Variants in FHOD3 observed in about 807,000 individuals in gnomAD.
FHOD3 encodes formin homology 2 domain containing 3.
A neutral mutation model predicts 173.0 loss-of-function variants in FHOD3; 90 were observed. The ratio of observed to expected loss-of-function variants is 0.52; its 90% confidence interval spans 0.44 to 0.62. FHOD3 has a LOEUF of 0.62. Among genes scored for constraint, FHOD3 ranks in the 20% least tolerant of loss-of-function variants. The pLI, the probability that FHOD3 is intolerant of heterozygous loss-of-function variation, is 0.00. For synonymous variants in FHOD3, 828 were observed against 823.0 expected (o/e 1.01, Z -0.10); for missense variants, 1,945 against 2,034.7 (o/e 0.96, Z 0.85).
At chr18:36,701,593 A>G (rs1293792145) in intron 17 of FHOD3, among the ~76,000 whole-genome samples, 1 of 152,184 alleles carries the variant, frequency 6.6e-6, no homozygotes, top group Non-Finnish European at 1.5e-5. Context: ...GCATGACCAC[A>G]AGGAGCATAG....
At chr18:36,412,228 T>TG (rs1471112078) in intron 3 of FHOD3, among the ~76,000 whole-genome samples, 5 of 152,180 alleles carry the variant, frequency 3.3e-5, no homozygotes, top group African/African-American at 1.2e-4. Flanking sequence ...CAAGAACAAA[T>TG]GTGATGAGGG....
intron 3 of FHOD3, among the ~76,000 whole-genome samples, chr18:36,469,694 C>A (rs2145075122): frequency 6.6e-6 from 1 of 152,260 alleles, no homozygotes; most frequent in Middle Eastern, 3.4e-3. Context: ...TGTGAGGCCT[C>A]ATCACCTTTG....
chr18:36,721,492 C>T (rs539936030), intron 19 of FHOD3, among the ~76,000 whole-genome samples: 3 of 152,134 alleles, frequency 2.0e-5, no homozygotes, highest in Admixed American at 6.5e-5. Context: ...TGTACACACA[C>T]GCACACAGCC....
At chr18:36,308,250 G>A (rs1018577792) in intron 1 of FHOD3, among the ~76,000 whole-genome samples, 3 of 152,056 alleles carry the variant, frequency 2.0e-5, no homozygotes, top group Admixed American at 6.6e-5. Context: ...TCCTTAAGAC[G>A]AATTCTCAAT....
chr18:36,672,606 G>A (rs2037603820), intron 14 of FHOD3, among the ~76,000 whole-genome samples: 1 of 152,178 alleles, frequency 6.6e-6, no homozygotes, highest in African/African-American at 2.4e-5. Context: ...TGCTTGAATC[G>A]AATCATATTT....
chr18:36,547,445 A>G (rs552106034), intron 5 of FHOD3, among the ~76,000 whole-genome samples: 3 of 152,216 alleles, frequency 2.0e-5, no homozygotes, highest in African/African-American at 7.2e-5. Flanking sequence ...ATCTCATTTT[A>G]TATTTTTAGT....
intron 14 of FHOD3, among the ~76,000 whole-genome samples, chr18:36,664,211 G>T (rs501740): frequency 0.69 from 105,299 of 152,108 alleles, 36,881 homozygotes; most frequent in East Asian, 0.77. Flanking sequence ...ATCCCAAATA[G>T]AATGTAAAAT....
chr18:36,645,642 A>G (rs1568543572), intron 10 of FHOD3, among the ~76,000 whole-genome samples: 1 of 152,204 alleles, frequency 6.6e-6, no homozygotes, highest in Non-Finnish European at 1.5e-5. Flanking sequence ...CATTATAGAA[A>G]GGGGAATTAC....
chr18:36,779,286 G>C, intron 28 of FHOD3, 162 bp from the exon 29 acceptor site: 1 of 622,114 alleles, frequency 1.6e-6, no homozygotes. Context: ...CAGACTGCAG[G>C]GCACTTCAGC....
At chr18:36,644,219 T>G in intron 10 of FHOD3, among the ~76,000 whole-genome samples, 1 of 152,210 alleles carries the variant, frequency 6.6e-6, no homozygotes, top group East Asian at 1.9e-4. Flanking sequence ...TGTGGAGGTA[T>G]TGGAAAGCCA....
chr18:36,374,001 G>A (rs987475805), intron 3 of FHOD3, among the ~76,000 whole-genome samples: 1 of 152,170 alleles, frequency 6.6e-6, no homozygotes, highest in African/African-American at 2.4e-5. Flanking sequence ...GAAGTTAAAT[G>A]TTGAAACACA....
intron 9 of FHOD3, among the ~76,000 whole-genome samples, chr18:36,617,855 C>T (rs1027052608): frequency 3.9e-5 from 6 of 152,020 alleles, no homozygotes; most frequent in Non-Finnish European, 7.4e-5. Context: ...TCTATGGAAA[C>T]TGGTCTGTTT....
intron 13 of FHOD3, among the ~76,000 whole-genome samples, chr18:36,654,502 A>T (rs1241390312): frequency 6.6e-6 from 1 of 152,076 alleles, no homozygotes; most frequent in Non-Finnish European, 1.5e-5. Flanking sequence ...AACTGATTTA[A>T]TTCTGGAAAA....
chr18:36,580,933 A>C (rs912963267), intron 6 of FHOD3, among the ~76,000 whole-genome samples: 3 of 152,210 alleles, frequency 2.0e-5, no homozygotes, highest in African/African-American at 7.2e-5. Context: ...ACAGTCACAG[A>C]GTTGATAAAG....
intron 5 of FHOD3, among the ~76,000 whole-genome samples, chr18:36,564,829 C>T (rs1368644187): frequency 6.6e-6 from 1 of 151,806 alleles, no homozygotes; most frequent in Non-Finnish European, 1.5e-5. Context: ...TTTTGGGGGA[C>T]CTTTTTTAGA....
intron 1 of FHOD3, among the ~76,000 whole-genome samples, chr18:36,324,928 T>A (rs1316164175): frequency 6.6e-6 from 1 of 152,114 alleles, no homozygotes; most frequent in Non-Finnish European, 1.5e-5. Context: ...AACAATGCAA[T>A]GTTCATCAAT....
chr18:36,624,500 A>C (rs563999597), intron 9 of FHOD3, among the ~76,000 whole-genome samples: 1 of 152,300 alleles, frequency 6.6e-6, no homozygotes, highest in East Asian at 1.9e-4. Flanking sequence ...AAGAGTCATC[A>C]TGGATAAGGA....
At chr18:36,402,141 A>G (rs2048842109) in intron 3 of FHOD3, among the ~76,000 whole-genome samples, 2 of 152,198 alleles carry the variant, frequency 1.3e-5, no homozygotes, top group South Asian at 4.1e-4. Flanking sequence ...GGGGCGGGCA[A>G]GGTGCGAGAG....
At chr18:36,486,942 A>G (rs2054224516) in intron 3 of FHOD3, among the ~76,000 whole-genome samples, 1 of 152,222 alleles carries the variant, frequency 6.6e-6, no homozygotes, top group Non-Finnish European at 1.5e-5. Flanking sequence ...TTCATTTAGC[A>G]TAATATTGTT....
Sources: gnomAD v4.1 joint callset for allele counts (sites outside exome capture counted in the v4.1 genomes callset) on GRCh38, gnomAD v4.1.1 for gene constraint, MANE v1.5 for transcripts, NCBI Gene and HGNC (gene_info 2026-07-23, HGNC 2026-07-21) for gene names.